Variants in GABRA3 observed in about 807,000 individuals in gnomAD.
GABRA3 encodes gamma-aminobutyric acid type A receptor subunit alpha3, also known as gamma-aminobutyric acid receptor subunit alpha-3.
GABRA3 carries 10 observed loss-of-function variants against 30.1 expected under a neutral mutation model. The observed-to-expected ratio is 0.33, with a 90% CI of 0.20 to 0.56. The LOEUF is 0.56. GABRA3 is among the 20% of genes least tolerant of loss of function. The probability of loss-of-function intolerance (pLI) is 0.89; values close to 1 mark genes in which losing one functional copy is unlikely to be tolerated. For synonymous variants in GABRA3, 151 were observed against 146.8 expected (o/e 1.03, Z -0.21); for missense variants, 233 against 392.0 (o/e 0.59, Z 3.42).
chrX:152,369,963 C>T (rs1026320944), intron 1 of GABRA3, among the ~76,000 whole-genome samples: 1 of 111,403 alleles, frequency 9.0e-6, no homozygotes, highest in Admixed American at 9.5e-5. Flanking sequence ...TTGGAACCTG[C>T]CAGACTGAAA....
chrX:152,421,459 A>T (rs951300460), intron 1 of GABRA3, among the ~76,000 whole-genome samples: 3 of 111,330 alleles, frequency 2.7e-5, no homozygotes, highest in Non-Finnish European at 5.7e-5. Context: ...ATAGGATAAT[A>T]TCTTCATGAT....
intron 2 of GABRA3, among the ~76,000 whole-genome samples, chrX:152,363,363 A>ATCATCCTGCAGCT (rs1055984570): frequency 1.3e-4 from 15 of 111,990 alleles, no homozygotes; most frequent in African/African-American, 4.9e-4. Flanking sequence ...GGCCAGTGAA[A>ATCATCCTGCAGCT]TCATCCTGCA....
chrX:152,365,842 A>C, intron 1 of GABRA3, among the ~76,000 whole-genome samples: 1 of 111,703 alleles, frequency 9.0e-6, no homozygotes. Context: ...GCATTTGAAA[A>C]ACTACAACAA....
intron 3 of GABRA3, among the ~76,000 whole-genome samples, chrX:152,324,228 T>C (rs1026957455): frequency 8.9e-6 from 1 of 112,230 alleles, no homozygotes; most frequent in African/African-American, 3.2e-5. Flanking sequence ...AAGATAGGCT[T>C]AATTAGTTAT....
At chrX:152,284,794 G>A (rs1264511985) in intron 3 of GABRA3, 59 bp from the exon 4 acceptor site, 3 of 862,551 alleles carry the variant, frequency 3.5e-6, no homozygotes, top group East Asian at 7.0e-5. Flanking sequence ...TTAGCTCAGA[G>A]AGAGTCCAGT....
At chrX:152,449,970 C>T (rs2124558634) in intron 1 of GABRA3, among the ~76,000 whole-genome samples, 1 of 111,627 alleles carries the variant, frequency 9.0e-6, no homozygotes, top group East Asian at 2.8e-4. Context: ...CCAAAATATA[C>T]TACATACTCG....
chrX:152,422,152 T>C (rs2124538942), intron 1 of GABRA3, among the ~76,000 whole-genome samples: 1 of 111,504 alleles, frequency 9.0e-6, no homozygotes, highest in Admixed American at 9.6e-5. Context: ...AACTTAAATG[T>C]CCATCAACAG....
At chrX:152,361,993 A>G (rs1458271194) in intron 2 of GABRA3, among the ~76,000 whole-genome samples, 1 of 111,835 alleles carries the variant, frequency 8.9e-6, no homozygotes, top group African/African-American at 3.3e-5. Context: ...GCCCAGTGAA[A>G]TGAAATACAT....
chrX:152,278,246 C>A (rs1485977067), intron 4 of GABRA3, among the ~76,000 whole-genome samples: 2 of 106,727 alleles, frequency 1.9e-5, no homozygotes, highest in Non-Finnish European at 3.9e-5. Context: ...TCTCCTAATG[C>A]TATCCTTCCT....
At chrX:152,221,863 T>A (rs1019756265) in intron 6 of GABRA3, among the ~76,000 whole-genome samples, 4 of 111,839 alleles carry the variant, frequency 3.6e-5, no homozygotes, top group Non-Finnish European at 7.5e-5. Context: ...TTTTTCCTGA[T>A]CTTCTGTCTC....
chrX:152,424,370 A>G (rs1336892101), intron 1 of GABRA3, among the ~76,000 whole-genome samples: 4 of 110,107 alleles, frequency 3.6e-5, no homozygotes, highest in African/African-American at 1.3e-4. Flanking sequence ...TTACAAACTC[A>G]CTCTTGGCCA....
chrX:152,444,836 C>T (rs2124555050), intron 1 of GABRA3, among the ~76,000 whole-genome samples: 1 of 86,017 alleles, frequency 1.2e-5, no homozygotes, highest in South Asian at 6.8e-4. Flanking sequence ...CCGAGGCGGG[C>T]GGATCACGAG....
intron 7 of GABRA3, 124 bp downstream of exon 7, chrX:152,207,877 C>T (rs1937585586): frequency 1.5e-6 from 1 of 676,071 alleles, no homozygotes; most frequent in Non-Finnish European, 2.2e-6. Flanking sequence ...TCAGTTTTCT[C>T]ATGATAATAC....
chrX:152,304,012 G>T (rs916645467), intron 3 of GABRA3, among the ~76,000 whole-genome samples: 9 of 112,071 alleles, frequency 8.0e-5, no homozygotes, highest in African/African-American at 2.9e-4. Flanking sequence ...ACTGGCGTGA[G>T]ATGGTATCTT....
intron 5 of GABRA3, among the ~76,000 whole-genome samples, chrX:152,235,690 C>T (rs1300172785): frequency 1.8e-5 from 2 of 111,398 alleles, no homozygotes; most frequent in Non-Finnish European, 1.9e-5. Flanking sequence ...GTACACTAAA[C>T]GTTGATGAAA....
At chrX:152,177,093 G>A (rs1255763782) in intron 9 of GABRA3, among the ~76,000 whole-genome samples, 1 of 111,740 alleles carries the variant, frequency 8.9e-6, no homozygotes, top group Non-Finnish European at 1.9e-5. Flanking sequence ...GAGAGTAATG[G>A]TCTGAAAGCA....
chrX:152,212,126 A>AT (rs1937634952), intron 6 of GABRA3, among the ~76,000 whole-genome samples: 1 of 106,139 alleles, frequency 9.4e-6, no homozygotes, highest in African/African-American at 3.5e-5. Flanking sequence ...CTGCAAAAAA[A>AT]ATTAAAAATT....
intron 2 of GABRA3, among the ~76,000 whole-genome samples, chrX:152,347,728 C>T (rs1940412216): frequency 8.9e-6 from 1 of 112,017 alleles, no homozygotes; most frequent in Non-Finnish European, 1.9e-5. Context: ...TCCATTTCCT[C>T]CTGGTGACTG....
At chrX:152,352,725 T>C (rs1336614236) in intron 2 of GABRA3, among the ~76,000 whole-genome samples, 1 of 111,755 alleles carries the variant, frequency 8.9e-6, no homozygotes, top group Non-Finnish European at 1.9e-5. Context: ...GCATATTATG[T>C]CTCTGCATCG....
Sources: allele counts gnomAD v4.1 joint callset (sites outside exome capture counted in the v4.1 genomes callset), GRCh38; gene constraint gnomAD v4.1.1; transcripts MANE v1.5; gene names NCBI Gene and HGNC (gene_info 2026-07-23, HGNC 2026-07-21).